MTR: variants seen among roughly 807,000 people sequenced by gnomAD.
The protein encoded by MTR is 5-methyltetrahydrofolate-homocysteine methyltransferase.
A neutral mutation model predicts 154.8 loss-of-function variants in MTR; 84 were observed. The observed-to-expected ratio is 0.54, with a 90% confidence interval of 0.45 to 0.65. The LOEUF (loss-of-function observed/expected upper bound fraction) is 0.65. MTR is among the 30% of genes least tolerant of loss of function. The probability of loss-of-function intolerance (pLI) is 0.00; values close to 1 mark genes in which losing one functional copy is unlikely to be tolerated. For missense variants in MTR, 1,275 were observed against 1,570.2 expected, an observed-to-expected ratio of 0.81 and a Z score of 3.18; for synonymous variants, 554 against 553.9, an observed-to-expected ratio of 1.00 and a Z score of 0.00.
chr1:236,849,010 GTTCA>G (rs1229590970), intron 15 of MTR, among the ~76,000 whole-genome samples: 1 of 152,068 alleles, frequency 6.6e-6, no homozygotes, highest in Non-Finnish European at 1.5e-5. Context: ...CATTTTTCGC[GTTCA>G]TTGAGAATTG....
intron 18 of MTR, among the ~76,000 whole-genome samples, chr1:236,854,849 A>G (rs529470005): frequency 3.3e-5 from 5 of 152,192 alleles, no homozygotes; most frequent in Non-Finnish European, 7.4e-5. Context: ...CTGAGCTGCC[A>G]AGAGGTTTTG....
At chr1:236,848,691 C>T (rs2103231255) in intron 15 of MTR, among the ~76,000 whole-genome samples, 1 of 152,258 alleles carries the variant, frequency 6.6e-6, no homozygotes, top group East Asian at 1.9e-4. Flanking sequence ...TTCCTGTCTC[C>T]CTTTCCCTGG....
chr1:236,868,867 T>G (rs17658475), intron 22 of MTR, among the ~76,000 whole-genome samples: 32,903 of 152,154 alleles, frequency 0.22, 3,757 homozygotes, highest in South Asian at 0.32. Flanking sequence ...GGTAATGCAG[T>G]CTCTCCTGAG....
At chr1:236,874,192 T>C (rs1665300468) in intron 23 of MTR, among the ~76,000 whole-genome samples, 1 of 152,228 alleles carries the variant, frequency 6.6e-6, no homozygotes, top group African/African-American at 2.4e-5. Context: ...CTATGGCAAG[T>C]AATTATTGCA....
At chr1:236,850,258 TTAAAA>T (rs1220958893) in intron 15 of MTR, 81 bp from the exon 16 acceptor site, 37 of 877,094 alleles carry the variant, frequency 4.2e-5, no homozygotes, top group Non-Finnish European at 5.1e-5. Flanking sequence ...TAATATTTTA[TTAAAA>T]TAAAATAACA....
intron 4 of MTR, among the ~76,000 whole-genome samples, chr1:236,809,636 T>G (rs1661189637): frequency 6.6e-6 from 1 of 152,220 alleles, no homozygotes; most frequent in Non-Finnish European, 1.5e-5. Flanking sequence ...AGGACATTTT[T>G]CTTATACCCA....
At chr1:236,844,389 C>G (rs868166899) in intron 15 of MTR, among the ~76,000 whole-genome samples, 1 of 151,350 alleles carries the variant, frequency 6.6e-6, no homozygotes, top group Non-Finnish European at 1.5e-5. Flanking sequence ...TTTTACAGTT[C>G]TGCCATAAGG....
In MTR at chr1:236,889,289, A is replaced by G; in HGVS notation, c.2960A>G (p.Lys987Arg). ...PFFDVWQLRG[K>R]YPNRGFPKIF... The stretch of plus-strand genomic sequence containing the variant: ...TTTGATGTCTGGCAGCTCCGGGGCA[A>G]GTACCCGAATCGAGGCTTTCCCAAG... The change falls in exon 28 of 33, where the codon AAG becomes AGG. Residue 987 changes from lysine to arginine, a missense_variant. By Grantham distance (26) the Lys-to-Arg change is conservative. Coordinates refer to ENST00000366577, the MANE Select transcript of MTR (RefSeq NM_000254.3). 6.2e-7 allele frequency: 1 copy of G among 1,614,232 alleles called. No individual in the cohort carries two copies. The highest frequency in any genetic ancestry group is 8.5e-7 in the Non-Finnish European group (1 of 1,180,032).
chr1:236,877,112 C>T (rs2147889766), intron 24 of MTR, among the ~76,000 whole-genome samples: 1 of 152,324 alleles, frequency 6.6e-6, no homozygotes, highest in African/African-American at 2.4e-5. Flanking sequence ...CTGGAACAGC[C>T]TTTGGAAAAC....
chr1:236,883,173 G>T (rs865878529), intron 25 of MTR, among the ~76,000 whole-genome samples: 5 of 152,094 alleles, frequency 3.3e-5, no homozygotes, highest in Admixed American at 3.3e-4. Flanking sequence ...TTATTGTGTG[G>T]CTGTTGCCAT....
Position 236,795,679 on chromosome 1 carries a change from C to T in MTR, c.-25C>T, listed in dbSNP as rs571506163. On this transcript the variant is annotated 5_prime_UTR_variant, in exon 1 of 33. Transcript: ENST00000366577. Reference sequence around the variant, plus strand: ...GAGCACGTCTTCTCTGCCGCGCCCTCTGCGCAAGGAGGAGACTCGACAACA... The same window carrying T: ...GAGCACGTCTTCTCTGCCGCGCCCTTTGCGCAAGGAGGAGACTCGACAACA... 3.1e-6 allele frequency: 5 copies of T among 1,613,848 alleles called. No homozygotes were observed. Among genetic ancestry groups the T allele is most frequent in the East Asian group, 2.2e-5 (1 of 44,896 alleles).
chr1:236,878,000 T>G (rs1042753858), intron 24 of MTR, among the ~76,000 whole-genome samples: 7 of 152,236 alleles, frequency 4.6e-5, no homozygotes, highest in South Asian at 2.1e-4. Context: ...GATATGCTTT[T>G]TAAATATTTT....
chr1:236,824,054 A>G, intron 8 of MTR, 65 bp from the exon 9 acceptor site: 6 of 1,332,082 alleles, frequency 4.5e-6, no homozygotes, highest in Admixed American at 3.4e-5. Context: ...GTCTCCATAT[A>G]TAACTTATAT....
Position 236,880,781 on chromosome 1 carries a change from C to T in MTR, c.2621C>T (p.Pro874Leu), listed in dbSNP as rs764999575. Reference protein sequence around the residue: ...SKTHTAVKIAPRYSAPVIHVL... With the variant: ...SKTHTAVKIALRYSAPVIHVL... ...ACCCACACAGCAGTTAAAATAGCTC[C>T]GAGATACAGTGCACCTGTAATCCAT... Residue 874 changes from proline (P) to leucine (L), a missense_variant, in exon 25 of 33, where the codon CCG becomes CTG. Pro to Leu is a moderately conservative substitution (Grantham distance 98). Coordinates refer to ENST00000366577, the MANE Select transcript of MTR (RefSeq NM_000254.3). 18 of 1,613,972 alleles carry T rather than the reference C, an allele frequency of 1.1e-5. No homozygotes were observed. Among genetic ancestry groups the T allele is most frequent in the East Asian group, 2.2e-5 (1 of 44,888 alleles).
intron 23 of MTR, among the ~76,000 whole-genome samples, 154 bp from the exon 24 acceptor site, chr1:236,874,572 A>T (rs1235469454): frequency 6.8e-6 from 1 of 147,410 alleles, no homozygotes; most frequent in Non-Finnish European, 1.5e-5. Context: ...CTCCATCTCA[A>T]AAAAAAAAAA....
chr1:236,885,085 A>G lies in MTR; in HGVS notation c.2677-36A>G, dbSNP rs1015949294. On this transcript the variant is annotated intron_variant, in intron 25 of 32. Coordinates refer to ENST00000366577, the MANE Select transcript of MTR (RefSeq NM_000254.3). Reference sequence around the variant, plus strand: ...TGACCATTACTACACCAGTTTTATCATCTTTTGCTCATCTATGGCTATCTT... The same window carrying G: ...TGACCATTACTACACCAGTTTTATCGTCTTTTGCTCATCTATGGCTATCTT... 5.3e-6 allele frequency: 7 copies of G among 1,332,288 alleles called. No homozygotes were observed. The East Asian group carries it at 1.6e-4, about 31-fold the overall frequency. 82.5% of individuals were successfully genotyped at this position (1,332,288 alleles called of 1,614,324 possible). A position where few individuals can be genotyped will look rare whatever the true frequency, so the allele number is the denominator to read the frequency against.
intron 8 of MTR, chr1:236,819,874 G>A: frequency 2.5e-6 from 2 of 804,214 alleles, no homozygotes; most frequent in Non-Finnish European, 4.4e-6. Context: ...ATATCCTCCA[G>A]GAATACTGGC....
At chr1:236,884,018 T>C (rs569168127) in intron 25 of MTR, among the ~76,000 whole-genome samples, 1 of 152,360 alleles carries the variant, frequency 6.6e-6, no homozygotes, top group African/African-American at 2.4e-5. Context: ...ATTTTGTGTT[T>C]TGATGGTAGC....
Position 236,808,637 on chromosome 1 carries a change from C to A in MTR, c.340-67C>A, listed in dbSNP as rs879013922. ...TGAAGAAAACTGAGTATTAGATGGT[C>A]ATGAATCCATTATTTATTGTGCGGA... is the stretch of plus-strand genomic sequence containing the variant. On this transcript the variant is annotated intron_variant, in intron 3 of 32. Coordinates refer to ENST00000366577, the MANE Select transcript of MTR (RefSeq NM_000254.3). The A allele has an allele frequency of 2.1e-6, 3 of 1,449,782 alleles. No homozygotes were observed. In the South Asian group the frequency reaches 3.4e-5, roughly 17 times the overall value. The allele number at this position is 1,449,782 out of a possible 1,614,324, so 89.8% of individuals were successfully genotyped here.
Sources: gnomAD v4.1 joint callset for allele counts (sites outside exome capture counted in the v4.1 genomes callset) on GRCh38, gnomAD v4.1.1 for gene constraint, MANE v1.5 for transcripts, NCBI Gene and HGNC (gene_info 2026-07-23, HGNC 2026-07-21) for gene names.